The following VSIG1 variants were observed in gnomAD, a reference collection of about 807,000 sequenced individuals.
The protein encoded by VSIG1 is V-set and immunoglobulin domain-containing protein 1.
VSIG1 carries 11 observed loss-of-function variants against 20.1 expected under a neutral mutation model. The observed-to-expected ratio is 0.55, with a 90% CI of 0.34 to 0.91. The LOEUF is 0.91. Among genes scored for constraint, VSIG1 ranks in the 40% least tolerant of loss-of-function variants. The probability of loss-of-function intolerance (pLI) is 0.02; values close to 1 mark genes in which losing one functional copy is unlikely to be tolerated. For missense variants in VSIG1, 283 were observed against 298.8 expected (o/e 0.95, Z 0.39); for synonymous variants, 126 against 116.7 (o/e 1.08, Z -0.52).
In VSIG1 at chrX:108,067,126, G is replaced by A. The variant is rs768138582; in HGVS notation, c.404G>A (p.Ser135Asn). The A allele has an allele frequency of 5.8e-6, 7 of 1,211,498 alleles. No homozygotes were observed. The South Asian group carries it at 1.2e-4, about 21-fold the overall frequency. The change falls in exon 3 of 7, where the codon AGT becomes AAT. Residue 135 changes from serine to asparagine, a missense_variant. Coordinates refer to ENST00000217957, the MANE Select transcript of VSIG1 (RefSeq NM_182607.5). Reference sequence around the variant, plus strand: ...CAAAACCAAGGCATCCTCAACGTCAGTGTGTTAGGTATGAGCACTTTTTTC... The same window carrying A: ...CAAAACCAAGGCATCCTCAACGTCAATGTGTTAGGTATGAGCACTTTTTTC... ...LGQNQGILNV[S>N]VLVKPSKPLC...
chrX:108,040,996 GTAT>G (rs1410803529), upstream of VSIG1, among the ~76,000 whole-genome samples: 1 of 107,781 alleles, frequency 9.3e-6, no homozygotes, highest in Non-Finnish European at 1.9e-5. Flanking sequence ...TTTTTCCTCT[GTAT>G]CCTTGTTTGT....
chrX:108,020,831 A>G, the VSIG1 span, among the ~76,000 whole-genome samples: 13 of 111,486 alleles, frequency 1.2e-4, no homozygotes, highest in Non-Finnish European at 2.3e-4. Context: ...TCCTGTTAGT[A>G]TGGGAAGACT....
At chrX:108,060,574 T>C (rs2030998963) in intron 2 of VSIG1, among the ~76,000 whole-genome samples, 1 of 111,889 alleles carries the variant, frequency 8.9e-6, no homozygotes, top group Non-Finnish European at 1.9e-5. Context: ...CATATCCTGC[T>C]GGCATGGGCT....
chrX:108,074,494 A>G (rs1178973048), intron 5 of VSIG1, among the ~76,000 whole-genome samples: 1 of 110,879 alleles, frequency 9.0e-6, no homozygotes, highest in Admixed American at 9.6e-5. Flanking sequence ...CCTTCCTCAA[A>G]TATTTATTGA....
At chrX:108,037,522 G>T in the VSIG1 span, among the ~76,000 whole-genome samples, 1 of 111,825 alleles carries the variant, frequency 8.9e-6, no homozygotes, top group Non-Finnish European at 1.9e-5. Flanking sequence ...CAACATTAGT[G>T]CACTTGATTA....
intron 2 of VSIG1, 53 bp downstream of exon 2, chrX:108,058,254 T>C (rs1224091698): frequency 5.4e-6 from 6 of 1,101,592 alleles, no homozygotes; most frequent in Non-Finnish European, 7.3e-6. Flanking sequence ...GACTGAAAAC[T>C]GTTGGGGTAG....
At chrX:108,048,998 A>G (rs2030728275) in intron 1 of VSIG1, among the ~76,000 whole-genome samples, 1 of 112,391 alleles carries the variant, frequency 8.9e-6, no homozygotes, top group Admixed American at 9.4e-5. Context: ...TCTGAAGCAT[A>G]TCATCACTAT....
chrX:108,077,414 G>T lies in VSIG1; in HGVS notation c.*33G>T. ...GCCTAAGTACAGCATTAATCATTAA[G>T]GAACCCATTACTGCCATTTGGAATT... On this transcript the variant is annotated 3_prime_UTR_variant, in exon 7 of 7. Coordinates refer to ENST00000217957, the MANE Select transcript of VSIG1 (RefSeq NM_182607.5). The T allele has an allele frequency of 8.6e-7, 1 of 1,168,711 alleles. No homozygotes were observed. The highest frequency in any genetic ancestry group is 1.1e-6 in the Non-Finnish European group (1 of 871,227).
intron 1 of VSIG1, among the ~76,000 whole-genome samples, chrX:108,055,385 G>A (rs1198112704): frequency 8.9e-6 from 1 of 111,735 alleles, no homozygotes; most frequent in Non-Finnish European, 1.9e-5. Context: ...AACATTTAAA[G>A]AATTATTAAG....
chrX:108,056,679 G>T (rs929131046), intron 1 of VSIG1, among the ~76,000 whole-genome samples: 1 of 112,501 alleles, frequency 8.9e-6, no homozygotes, highest in African/African-American at 3.2e-5. Flanking sequence ...AAACCACGAT[G>T]ATTATATTAC....
intron 2 of VSIG1, among the ~76,000 whole-genome samples, chrX:108,065,626 G>A (rs1400635299): frequency 9.0e-6 from 1 of 111,561 alleles, no homozygotes; most frequent in Admixed American, 9.5e-5. Context: ...TGTCATATTT[G>A]TGTATCACCA....
chrX:108,035,846 T>C, the VSIG1 span, among the ~76,000 whole-genome samples: 1 of 108,712 alleles, frequency 9.2e-6, no homozygotes, highest in Admixed American at 1.0e-4. Flanking sequence ...GGAGGCCATA[T>C]CACATAATGG....
At chrX:108,073,962 G>C (rs187718983) in intron 5 of VSIG1, 1 of 111,564 alleles carries the variant, frequency 9.0e-6, no homozygotes, top group East Asian at 2.8e-4. Flanking sequence ...TTAGTAACTG[G>C]CAGAGCCAGG....
At chrX:108,057,831 T>A (rs1416150386) in intron 1 of VSIG1, among the ~76,000 whole-genome samples, 2 of 111,228 alleles carry the variant, frequency 1.8e-5, no homozygotes, top group African/African-American at 3.3e-5. Context: ...AGAATTTGAG[T>A]ATCTTCATAT....
At chrX:108,047,997 T>C (rs1249179698) in intron 1 of VSIG1, among the ~76,000 whole-genome samples, 2 of 72,598 alleles carry the variant, frequency 2.8e-5, no homozygotes, top group Admixed American at 1.7e-4. Context: ...TATATATATA[T>C]ATATACACAT....
chrX:108,029,775 G>T, the VSIG1 span, among the ~76,000 whole-genome samples: 1 of 111,663 alleles, frequency 9.0e-6, no homozygotes, highest in African/African-American at 3.3e-5. Flanking sequence ...AAGGGTGAAG[G>T]TATGGGTCAA....
the VSIG1 span, among the ~76,000 whole-genome samples, chrX:108,020,667 C>T: frequency 8.9e-6 from 1 of 111,824 alleles, no homozygotes; most frequent in African/African-American, 3.3e-5. Flanking sequence ...ATTAGAGATT[C>T]TTTGCAATTT....
At chrX:108,047,887 C>T (rs188101128) in intron 1 of VSIG1, among the ~76,000 whole-genome samples, 2,105 of 24,234 alleles carry the variant, frequency 0.087, 318 homozygotes, top group African/African-American at 0.2. Flanking sequence ...TATATATATA[C>T]ACACATATAT....
intron 1 of VSIG1, among the ~76,000 whole-genome samples, chrX:108,047,847 T>TATATATAC (rs1569287100): frequency 1.4e-3 from 51 of 36,038 alleles, no homozygotes; most frequent in African/African-American, 5.3e-3. Context: ...TATATATACA[T>TATATATAC]ATATATATAC....
Sources: gnomAD v4.1 joint callset for allele counts (sites outside exome capture counted in the v4.1 genomes callset) on GRCh38, gnomAD v4.1.1 for gene constraint, MANE v1.5 for transcripts, NCBI Gene and HGNC (gene_info 2026-07-23, HGNC 2026-07-21) for gene names.